The following CSTPP1 variants were observed in gnomAD, a reference collection of about 807,000 sequenced individuals.
CSTPP1 encodes the protein UPF0705 protein C11orf49.
chr11:47,154,961 G>C, the CSTPP1 span: 1 of 596,968 alleles, frequency 1.7e-6, no homozygotes, highest in Non-Finnish European at 3.0e-6. Flanking sequence ...TTTGGTGGCA[G>C]AGTCCAATTG....
the CSTPP1 span, among the ~76,000 whole-genome samples, chr11:47,103,286 G>A: frequency 6.6e-6 from 1 of 151,868 alleles, no homozygotes; most frequent in South Asian, 2.1e-4. Context: ...TGTAGTTCCA[G>A]CTACTCTGGA....
chr11:47,042,927 C>T, the CSTPP1 span, among the ~76,000 whole-genome samples: 1 of 152,020 alleles, frequency 6.6e-6, no homozygotes, highest in Non-Finnish European at 1.5e-5. Context: ...ATGACTTGGG[C>T]CTCTTATTCA....
At chr11:47,126,135 G>C in the CSTPP1 span, among the ~76,000 whole-genome samples, 2 of 151,998 alleles carry the variant, frequency 1.3e-5, no homozygotes, top group Non-Finnish European at 2.9e-5. Context: ...GGCTTTAACT[G>C]TTTATTACTT....
the CSTPP1 span, among the ~76,000 whole-genome samples, chr11:47,000,337 G>A: frequency 6.6e-6 from 1 of 152,154 alleles, no homozygotes; most frequent in Admixed American, 6.5e-5. Flanking sequence ...TGAAATCTGA[G>A]AATTTGTATC....
At chr11:47,022,612 C>T in the CSTPP1 span, among the ~76,000 whole-genome samples, 1 of 152,042 alleles carries the variant, frequency 6.6e-6, no homozygotes, top group East Asian at 1.9e-4. Flanking sequence ...TCAGGTGATC[C>T]GCCTGCCTTG....
At chr11:46,946,483 C>T in the CSTPP1 span, among the ~76,000 whole-genome samples, 1 of 152,138 alleles carries the variant, frequency 6.6e-6, no homozygotes. Flanking sequence ...ACGGTGAAAC[C>T]CTGTCTCTAC....
At chr11:47,069,600 A>G in the CSTPP1 span, among the ~76,000 whole-genome samples, 2 of 152,200 alleles carry the variant, frequency 1.3e-5, no homozygotes, top group Non-Finnish European at 2.9e-5. Flanking sequence ...GGGACGTATA[A>G]TACTTGTTTA....
At chr11:46,993,548 T>G in the CSTPP1 span, among the ~76,000 whole-genome samples, 2 of 152,034 alleles carry the variant, frequency 1.3e-5, no homozygotes, top group South Asian at 2.1e-4. Flanking sequence ...TTTCCCCATT[T>G]CTTGTTTTTG....
the CSTPP1 span, among the ~76,000 whole-genome samples, chr11:47,153,532 C>G: frequency 6.6e-6 from 1 of 152,222 alleles, no homozygotes; most frequent in African/African-American, 2.4e-5. Flanking sequence ...TGGAGTCCAG[C>G]AAGCTCCCCA....
the CSTPP1 span, among the ~76,000 whole-genome samples, chr11:47,096,745 A>G: frequency 6.6e-6 from 1 of 151,016 alleles, no homozygotes; most frequent in Non-Finnish European, 1.5e-5. Context: ...ATTAATAAGT[A>G]TGTTTCTGAA....
the CSTPP1 span, among the ~76,000 whole-genome samples, chr11:47,135,908 A>G: frequency 6.6e-6 from 1 of 152,338 alleles, no homozygotes; most frequent in South Asian, 2.1e-4. Context: ...AAAAACCTGA[A>G]GAGGGCCTAG....
chr11:47,105,728 G>A, the CSTPP1 span, among the ~76,000 whole-genome samples: 16 of 152,236 alleles, frequency 1.1e-4, no homozygotes, highest in East Asian at 3.9e-4. Context: ...CTCAGATTTC[G>A]ATCTGTCTAA....
At chr11:46,984,563 G>T in the CSTPP1 span, among the ~76,000 whole-genome samples, 7 of 150,130 alleles carry the variant, frequency 4.7e-5, no homozygotes, top group African/African-American at 1.8e-4. Context: ...TTGGTATAAA[G>T]TCTATTTTCT....
the CSTPP1 span, chr11:46,987,194 C>G: frequency 6.2e-7 from 1 of 1,611,040 alleles, no homozygotes; most frequent in Non-Finnish European, 8.5e-7. Context: ...TTCTCTCTTG[C>G]TATTTGATTG....
At chr11:46,987,371 G>A in the CSTPP1 span, 1 of 1,319,896 alleles carries the variant, frequency 7.6e-7, no homozygotes, top group South Asian at 1.2e-5. Flanking sequence ...GAAGCAGGCA[G>A]GATACTTGAG....
chr11:47,136,031 C>G, the CSTPP1 span, among the ~76,000 whole-genome samples: 1 of 152,000 alleles, frequency 6.6e-6, no homozygotes, highest in African/African-American at 2.4e-5. Flanking sequence ...GTTATCTTCC[C>G]AAGGATATTT....
At chr11:47,161,240 C>G in the CSTPP1 span, 7 of 1,613,698 alleles carry the variant, frequency 4.3e-6, no homozygotes, top group East Asian at 2.2e-5. Context: ...CCAGACGGGT[C>G]GGACACGGCT....
chr11:47,003,826 C>T, the CSTPP1 span, among the ~76,000 whole-genome samples: 1 of 152,198 alleles, frequency 6.6e-6, no homozygotes, highest in Non-Finnish European at 1.5e-5. Context: ...TTGAAATCAT[C>T]CCTTTGTCAT....
chr11:47,027,504 G>A, the CSTPP1 span, among the ~76,000 whole-genome samples: 8 of 152,116 alleles, frequency 5.3e-5, no homozygotes, highest in Non-Finnish European at 1.0e-4. Flanking sequence ...TCTATTTCAC[G>A]GCTATTTTAA....
Sources: gnomAD v4.1 joint callset for allele counts (sites outside exome capture counted in the v4.1 genomes callset) on GRCh38, gnomAD v4.1.1 for gene constraint, MANE v1.5 for transcripts, NCBI Gene and HGNC (gene_info 2026-07-23, HGNC 2026-07-21) for gene names.